Variants in TBL1Y observed in about 807,000 individuals in gnomAD.
TBL1Y encodes the protein F-box-like/WD repeat-containing protein TBL1Y.
In TBL1Y, 15 loss-of-function variants were observed where a neutral mutation model predicts 12.0. That is an observed-to-expected ratio of 1.25 (90% CI 0.83 to 1.92). The LOEUF is 1.92. TBL1Y is among the 40% of genes most tolerant of loss of function. The pLI is 0.00. For synonymous variants in TBL1Y, 53 were observed against 42.6 expected, an observed-to-expected ratio of 1.24 and a Z score of -0.95; for missense variants, 148 against 116.7, an observed-to-expected ratio of 1.27 and a Z score of -1.24.
chrY:7,074,125 G>A (rs775280628), intron 12 of TBL1Y, among the ~76,000 whole-genome samples: 2 of 33,998 alleles, frequency 5.9e-5, no homozygotes, highest in East Asian at 7.9e-4. Flanking sequence ...ACCAATTTTG[G>A]TATTCTTGCA....
Position 7,090,172 on chromosome Y carries a change from C to G in TBL1Y, c.1530C>G (p.Ala510=). Residue 510 remains alanine, a synonymous_variant, in exon 18 of 19, where the codon GCC becomes GCG. Coordinates refer to ENST00000383032, the MANE Select transcript of TBL1Y (RefSeq NM_033284.2). Reference sequence around the variant, plus strand: ...ACGCCCGAGGAGATAAAGTGGGCGCCAGCGCGTCTGATGGCTCTGTAAGCA... The same window carrying G: ...ACGCCCGAGGAGATAAAGTGGGCGCGAGCGCGTCTGATGGCTCTGTAAGCA... ...CWNARGDKVG[A]SASDGSVCVL... is the part of the protein sequence containing the mutation. 2.5e-6 allele frequency: 1 copy of G among 397,457 alleles called. No individual in the cohort carries two copies. The highest frequency in any genetic ancestry group is 3.5e-6 in the Non-Finnish European group (1 of 282,608).
chrY:7,055,288 G>T (rs2012819938), intron 7 of TBL1Y, among the ~76,000 whole-genome samples: 1 of 33,629 alleles, frequency 3.0e-5, no homozygotes, highest in Non-Finnish European at 7.4e-5. Flanking sequence ...CGTGCTTGAG[G>T]CCAGCAAGAT....
At chrY:6,981,590 T>C (rs981772603) in intron 3 of TBL1Y, among the ~76,000 whole-genome samples, 3 of 32,890 alleles carry the variant, frequency 9.1e-5, no homozygotes, top group Non-Finnish European at 1.5e-4. Flanking sequence ...AGGTTTAGGA[T>C]CCTGCAGATA....
chrY:7,052,537 A>C, intron 7 of TBL1Y, among the ~76,000 whole-genome samples: 1 of 33,979 alleles, frequency 2.9e-5, no homozygotes, highest in East Asian at 7.7e-4. Context: ...TTGCCATGAG[A>C]GTACACTGAA....
At chrY:6,965,428 G>A (rs904412629) in intron 2 of TBL1Y, among the ~76,000 whole-genome samples, 5 of 32,650 alleles carry the variant, frequency 1.5e-4, no homozygotes, top group African/African-American at 3.6e-4. Context: ...AAACTGAAAC[G>A]CTAGCCAATC....
chrY:7,016,182 G>C, intron 4 of TBL1Y, among the ~76,000 whole-genome samples: 1 of 32,337 alleles, frequency 3.1e-5, no homozygotes, highest in South Asian at 7.4e-4. Flanking sequence ...GGCTGTAGGC[G>C]GGGGGCCTCA....
At chrY:7,042,726 G>C in intron 6 of TBL1Y, among the ~76,000 whole-genome samples, 1 of 32,591 alleles carries the variant, frequency 3.1e-5, no homozygotes, top group African/African-American at 1.2e-4. Flanking sequence ...ATACTGAAGT[G>C]GTTCTACCAT....
chrY:6,934,826 T>A, intron 2 of TBL1Y, among the ~76,000 whole-genome samples: 1 of 32,905 alleles, frequency 3.0e-5, no homozygotes, highest in Admixed American at 2.8e-4. Context: ...GTGCTGGGAT[T>A]ACTGGTGTAA....
At chrY:7,062,807 C>A in intron 7 of TBL1Y, among the ~76,000 whole-genome samples, 1 of 33,524 alleles carries the variant, frequency 3.0e-5, no homozygotes, top group African/African-American at 1.2e-4. Flanking sequence ...GAGGTTCAGT[C>A]CCCCACAGTG....
At chrY:7,053,981 C>G in intron 7 of TBL1Y, among the ~76,000 whole-genome samples, 1 of 34,593 alleles carries the variant, frequency 2.9e-5, no homozygotes, top group Non-Finnish European at 7.3e-5. Context: ...TGTTTAGGCA[C>G]TGCTGCCCAA....
chrY:6,949,646 A>T (rs2012010943), intron 2 of TBL1Y, among the ~76,000 whole-genome samples: 1 of 33,669 alleles, frequency 3.0e-5, no homozygotes, highest in Non-Finnish European at 7.4e-5. Context: ...AAAGTACTAC[A>T]TACTGAATTT....
At chrY:7,063,459 G>C (rs796956955) in intron 7 of TBL1Y, among the ~76,000 whole-genome samples, 1 of 32,723 alleles carries the variant, frequency 3.1e-5, no homozygotes, top group African/African-American at 1.2e-4. Flanking sequence ...CAGGGTGATT[G>C]GTTTGGCACG....
chrY:6,977,355 C>T (rs2124125889), intron 2 of TBL1Y, among the ~76,000 whole-genome samples: 1 of 33,476 alleles, frequency 3.0e-5, no homozygotes, highest in African/African-American at 1.2e-4. Flanking sequence ...ATTCCTCCCA[C>T]CACCCAAAGT....
chrY:7,011,620 G>A, intron 4 of TBL1Y, among the ~76,000 whole-genome samples: 1 of 33,718 alleles, frequency 3.0e-5, no homozygotes, highest in Admixed American at 2.7e-4. Flanking sequence ...ATGCACTTGC[G>A]GCTCTTTCAG....
chrY:6,955,058 A>G (rs765708124), intron 2 of TBL1Y, among the ~76,000 whole-genome samples: 92 of 33,765 alleles, frequency 2.7e-3, no homozygotes, highest in African/African-American at 5.4e-3. Context: ...AAATAGTGCA[A>G]ACTTTGAATT....
intron 3 of TBL1Y, among the ~76,000 whole-genome samples, chrY:6,981,228 A>G: frequency 3.0e-5 from 1 of 33,624 alleles, no homozygotes; most frequent in Admixed American, 2.7e-4. Flanking sequence ...AATTTTTCAA[A>G]AAAAGCAAAT....
intron 2 of TBL1Y, among the ~76,000 whole-genome samples, chrY:6,970,149 C>T (rs2012197945): frequency 3.0e-5 from 1 of 33,141 alleles, no homozygotes. Flanking sequence ...CTCCCAGCAA[C>T]CACTATTCCA....
chrY:6,924,370 C>T, intron 2 of TBL1Y, among the ~76,000 whole-genome samples: 1 of 31,949 alleles, frequency 3.1e-5, no homozygotes, highest in African/African-American at 1.2e-4. Context: ...GGGCGGATCA[C>T]GAGGTCAGGA....
At chrY:6,965,929 G>A in intron 2 of TBL1Y, among the ~76,000 whole-genome samples, 1 of 33,776 alleles carries the variant, frequency 3.0e-5, no homozygotes, top group Non-Finnish European at 7.3e-5. Context: ...CCTAGCTTGA[G>A]TTTTTGGGAG....
Sources: gnomAD v4.1 joint callset for allele counts (sites outside exome capture counted in the v4.1 genomes callset) on GRCh38, gnomAD v4.1.1 for gene constraint, MANE v1.5 for transcripts, NCBI Gene and HGNC (gene_info 2026-07-23, HGNC 2026-07-21) for gene names.